The following BBC3 variants were observed in gnomAD, a reference collection of about 807,000 sequenced individuals.
The protein encoded by BBC3 is BCL2 binding component 3.
A neutral mutation model predicts 18.2 loss-of-function variants in BBC3; 5 were observed. The ratio of observed to expected loss-of-function variants is 0.27; its 90% confidence interval spans 0.14 to 0.58. The LOEUF is 0.58. Ranked by LOEUF, BBC3 falls within the 20% of genes least tolerant of loss-of-function variation. BBC3 has a pLI of 0.91. For synonymous variants in BBC3, 119 were observed against 128.0 expected (o/e 0.93, Z 0.47); for missense variants, 224 against 268.9 (o/e 0.83, Z 1.17).
upstream of BBC3, chr19:47,231,319 C>G (rs2058912743): frequency 1.6e-6 from 1 of 607,854 alleles, no homozygotes; most frequent in Non-Finnish European, 2.1e-6. This position sits in a 1 kb window ranked among gnomAD's most constrained non-coding sequence, Gnocchi z 4.0. Flanking sequence ...CCGCCCGCCG[C>G]GGACAAGTCA....
upstream of BBC3, among the ~76,000 whole-genome samples, chr19:47,231,563 A>G (rs1390694418): frequency 6.6e-6 from 1 of 152,174 alleles, no homozygotes. This position sits in a 1 kb window ranked among gnomAD's most constrained non-coding sequence, Gnocchi z 4.0. Flanking sequence ...CAGGGTCCAC[A>G]AAGTCACGTG....
In BBC3 at chr19:47,221,446, C is replaced by T; in HGVS notation, c.*356G>A. ...GGAGAGCCCCCCCCTCCCAGTGTCA[C>T]CCCTGCAGCTGGAACGGGCACCAGC... On this transcript the variant is annotated 3_prime_UTR_variant, in exon 4 of 4. Coordinates refer to ENST00000439096, the MANE Select transcript of BBC3 (RefSeq NM_014417.5). 4.3e-6 allele frequency: 1 copy of T among 232,668 alleles called. No individual in the cohort carries two copies. Among genetic ancestry groups the T allele is most frequent in the Non-Finnish European group, 7.8e-6 (1 of 128,546 alleles). 14.4% of individuals were successfully genotyped at this position (232,668 alleles called of 1,614,324 possible).
upstream of BBC3, chr19:47,231,289 G>A (rs904023012): frequency 1.3e-6 from 1 of 781,334 alleles, no homozygotes; most frequent in African/African-American, 1.9e-5. This position sits in a 1 kb window ranked among gnomAD's most constrained non-coding sequence, Gnocchi z 4.0. Flanking sequence ...CCCCGCCCCC[G>A]CGTGACGCTA....
At position 47,231,175 on chromosome 19, in the gene BBC3, T is replaced by C; in HGVS notation, c.-262A>G. The C allele has an allele frequency of 1.0e-6, 1 of 983,862 alleles. No homozygotes were observed. The allele number at this position is 983,862 out of a possible 1,614,324, so 60.9% of individuals were successfully genotyped here. ...GCCGCCGCCGCCGCCAGGCGCCCGC[T>C]CGCATGTGGCTCGCGCCGCGTCTCA... On this transcript the variant is annotated 5_prime_UTR_variant, in exon 1 of 4. Coordinates refer to ENST00000439096, the MANE Select transcript of BBC3 (RefSeq NM_014417.5). This position sits in a 1 kb window ranked among gnomAD's most constrained non-coding sequence, Gnocchi z 4.0.
chr19:47,227,019 C>CG, intron 2 of BBC3: 1 of 365,502 alleles, frequency 2.7e-6, no homozygotes, highest in Non-Finnish European at 5.0e-6. Context: ...GAGGTGACCC[C>CG]GGGGGTGGTC....
chr19:47,232,096 A>G (rs2058920667), upstream of BBC3, among the ~76,000 whole-genome samples: 1 of 152,242 alleles, frequency 6.6e-6, no homozygotes, highest in Non-Finnish European at 1.5e-5. Flanking sequence ...TCATGCCTGT[A>G]ATCCCAGCAC....
intron 1 of BBC3, among the ~76,000 whole-genome samples, chr19:47,229,471 A>AACAC (rs149086344): frequency 2.0e-5 from 3 of 148,926 alleles, no homozygotes; most frequent in Non-Finnish European, 4.5e-5. Flanking sequence ...AACTGTCAGC[A>AACAC]ACACACACAC....
intron 2 of BBC3, 171 bp from the exon 3 acceptor site, chr19:47,226,925 T>G (rs1264015815): frequency 1.7e-6 from 1 of 577,158 alleles, no homozygotes; most frequent in Non-Finnish European, 2.8e-6. Context: ...AAGCAAGAAG[T>G]ACCTGGGGAC....
At chr19:47,224,370 T>C (rs373433347) in intron 3 of BBC3, among the ~76,000 whole-genome samples, 12 of 151,726 alleles carry the variant, frequency 7.9e-5, no homozygotes, top group African/African-American at 2.9e-4. Flanking sequence ...GACCCATAAT[T>C]CCAGCAATTT....
chr19:47,224,923 T>G (rs2058794172), intron 3 of BBC3, among the ~76,000 whole-genome samples: 2 of 151,482 alleles, frequency 1.3e-5, no homozygotes, highest in African/African-American at 4.8e-5. Context: ...TTCTTTTTTT[T>G]TTTTTGAGAC....
At chr19:47,223,995 A>C (rs538893640) in intron 3 of BBC3, among the ~76,000 whole-genome samples, 2 of 152,104 alleles carry the variant, frequency 1.3e-5, no homozygotes, top group African/African-American at 4.8e-5. Context: ...TGGGAGAGGA[A>C]AAAAGGCAAT....
intron 3 of BBC3, among the ~76,000 whole-genome samples, chr19:47,226,170 G>T (rs957244966): frequency 5.3e-5 from 8 of 151,752 alleles, no homozygotes; most frequent in South Asian, 4.1e-4. Context: ...GTGGCGCTGC[G>T]GGCCGCGCGA....
upstream of BBC3, chr19:47,232,453 C>A (rs2058923577): frequency 3.5e-6 from 5 of 1,446,192 alleles, no homozygotes; most frequent in Non-Finnish European, 4.7e-6. Context: ...ACACCTGTGA[C>A]AGCTTCTTGC....
In BBC3 at chr19:47,230,782, A is replaced by T. The variant is rs1204127871; in HGVS notation, c.-16+147T>A. On this transcript the variant is annotated intron_variant, in intron 1 of 3. Transcript: ENST00000439096. This position sits in a 1 kb window ranked among gnomAD's most constrained non-coding sequence, Gnocchi z 6.7. ...GCCTCTCACCCGGCGACCCTGGCCC[A>T]GGGTCCCTCGCGGGGTTTGGAGAGG... 3.0e-6 allele frequency: 3 copies of T among 985,042 alleles called. No homozygotes were observed. Among genetic ancestry groups the T allele is most frequent in the East Asian group, 1.1e-4 (1 of 8,732 alleles). 61.0% of individuals were successfully genotyped at this position (985,042 alleles called of 1,614,324 possible).
At position 47,228,181 on chromosome 19, in the gene BBC3, C is replaced by T. The variant is rs1023546139; in HGVS notation, c.251G>A (p.Arg84Gln). The T allele has an allele frequency of 5.3e-6, 6 of 1,127,400 alleles. No homozygotes were observed. The African/African-American group carries it at 1.0e-4, about 19-fold the overall frequency. 69.8% of individuals were successfully genotyped at this position (1,127,400 alleles called of 1,614,324 possible). A position where few individuals can be genotyped will look rare whatever the true frequency, so the allele number is the denominator to read the frequency against. Reference protein sequence around the residue: ...GSRWPGGPRSRPRGPRPDGPQ... With the variant: ...GSRWPGGPRSQPRGPRPDGPQ... ...ACCGTCCGGGCGCGGGCCTCGGGGC[C>T]GGCTGCGGGGACCCCCAGGCCAGCG... Residue 84 changes from arginine (R) to glutamine (Q), a missense_variant, in exon 2 of 4, where the codon CGG becomes CAG. Transcript: ENST00000439096. This position sits in a 1 kb window ranked among gnomAD's most constrained non-coding sequence, Gnocchi z 5.5.
At position 47,228,355 on chromosome 19, in the gene BBC3, G is replaced by C. The variant is rs185699017; in HGVS notation, c.77C>G (p.Pro26Arg). The change falls in exon 2 of 4, where the codon CCG becomes CGG. Residue 26 changes from proline to arginine, a missense_variant. Physicochemically the swap from Pro to Arg is moderately radical, Grantham distance 103. Transcript: ENST00000439096. This position sits in a 1 kb window ranked among gnomAD's most constrained non-coding sequence, Gnocchi z 5.5. ...GLARDGPRPFPLGRLVPSAVS... is the reference protein window; with the variant it reads ...GLARDGPRPFRLGRLVPSAVS... Reference sequence around the variant, plus strand: ...TGCCGAGGGCACCAGGCGGCCGAGCGGGAAGGGGCGCGGGCCGTCGCGGGC... The same window carrying C: ...TGCCGAGGGCACCAGGCGGCCGAGCCGGAAGGGGCGCGGGCCGTCGCGGGC... 4.1e-5 allele frequency: 50 copies of C among 1,230,496 alleles called. No homozygotes were observed. The East Asian group carries it at 1.4e-3, about 35-fold the overall frequency. 76.2% of individuals were successfully genotyped at this position (1,230,496 alleles called of 1,614,324 possible). A position where few individuals can be genotyped will look rare whatever the true frequency, so the allele number is the denominator to read the frequency against.
chr19:47,228,073 C>T lies in BBC3; in HGVS notation c.274+85G>A. The T allele has an allele frequency of 7.3e-6, 8 of 1,092,306 alleles. No individual in the cohort carries two copies. Among genetic ancestry groups the T allele is most frequent in the East Asian group, 3.5e-5 (1 of 28,720 alleles). The allele number at this position is 1,092,306 out of a possible 1,614,324, so 67.7% of individuals were successfully genotyped here. ...GGCTGGGCCCGCCACCTCCCCCCGT[C>T]CTCTCCCACTTCTCCAGTTCCTCCG... On this transcript the variant is annotated intron_variant, in intron 2 of 3. Transcript: ENST00000439096. The surrounding 1 kb of genome is among the most constrained non-coding windows in gnomAD (Gnocchi z 5.5).
At chr19:47,232,584 A>C (rs1172413114), upstream of BBC3, 5 of 1,536,356 alleles carry the variant, frequency 3.3e-6, no homozygotes, top group Non-Finnish European at 3.5e-6. Context: ...GCCTGGGCAG[A>C]CCCCATGCCA....
chr19:47,227,503 C>G (rs931125462), intron 2 of BBC3, among the ~76,000 whole-genome samples: 5 of 152,180 alleles, frequency 3.3e-5, no homozygotes, highest in Non-Finnish European at 7.4e-5. Flanking sequence ...TCTTTCCTCG[C>G]TCCCCTTGGG....
Sources: gnomAD v4.1 joint callset for allele counts (sites outside exome capture counted in the v4.1 genomes callset) on GRCh38, gnomAD v4.1.1 for gene constraint, Gnocchi (gnomAD v3.1) non-coding constraint, MANE v1.5 for transcripts, NCBI Gene and HGNC (gene_info 2026-07-23, HGNC 2026-07-21) for gene names.